EXD3: variants seen among roughly 807,000 people sequenced by gnomAD.
The protein encoded by EXD3 is exonuclease mut-7 homolog.
EXD3 carries 92 observed loss-of-function variants against 98.0 expected under a neutral mutation model. The ratio of observed to expected loss-of-function variants is 0.94; its 90% CI spans 0.79 to 1.12. EXD3 has a LOEUF of 1.12. Among genes scored for constraint, EXD3 ranks in the 50% most tolerant of loss-of-function variants. The pLI, the probability that EXD3 is intolerant of heterozygous loss-of-function variation, is 0.00. For missense variants in EXD3, 1,222 were observed against 1,191.6 expected (o/e 1.03, Z -0.38); for synonymous variants, 569 against 526.0 (o/e 1.08, Z -1.12).
intron 17 of EXD3, among the ~76,000 whole-genome samples, chr9:137,337,388 C>T (rs1231808452): frequency 6.6e-6 from 1 of 152,130 alleles, no homozygotes; most frequent in Non-Finnish European, 1.5e-5. Flanking sequence ...TGCGGTGGCT[C>T]ACACCTATAA....
At chr9:137,331,699 TGA>T (rs992715849) in intron 17 of EXD3, among the ~76,000 whole-genome samples, 55 of 152,030 alleles carry the variant, frequency 3.6e-4, no homozygotes, top group African/African-American at 1.3e-3. Context: ...GTGGCTCACT[TGA>T]GATCAGGAGT....
chr9:137,366,122 G>C, intron 7 of EXD3: 1 of 696,800 alleles, frequency 1.4e-6, no homozygotes, highest in East Asian at 2.7e-5. Context: ...CTCTGTAATT[G>C]CTGACAGACG....
At chr9:137,316,456 C>T (rs1379599261) in intron 19 of EXD3, among the ~76,000 whole-genome samples, 1 of 152,064 alleles carries the variant, frequency 6.6e-6, no homozygotes, top group East Asian at 1.9e-4. Context: ...GCCCGCGCGC[C>T]CCGGGCGTGC....
chr9:137,387,762 A>G (rs1467754288), intron 2 of EXD3, among the ~76,000 whole-genome samples: 1 of 152,196 alleles, frequency 6.6e-6, no homozygotes, highest in African/African-American at 2.4e-5. Context: ...CAGAAGCCCC[A>G]GCCAGCCCTC....
At chr9:137,386,809 GCCCCCTCAGCACACCTGCTCCCTGCCTGC>G (rs1836616653) in intron 2 of EXD3, among the ~76,000 whole-genome samples, 1 of 115,366 alleles carries the variant, frequency 8.7e-6, no homozygotes, top group Admixed American at 8.6e-5. Flanking sequence ...TCCCTGCCTG[GCCCCCTCAGCACACCTGCTCCCTGCCTGC>G]CTCCCTCAGC....
In EXD3 at chr9:137,401,805, C is replaced by T. The variant is rs138714580; in HGVS notation, c.-47-6401G>A. Among the ~76,000 whole-genome samples, 4 of 152,282 alleles carry T rather than the reference C, an allele frequency of 2.6e-5. No homozygotes were observed. The East Asian group carries it at 7.7e-4, about 29-fold the overall frequency. On this transcript the variant is annotated intron_variant, in intron 1 of 21. Coordinates refer to ENST00000340951, the MANE Select transcript of EXD3 (RefSeq NM_017820.5). ...CACTTTTTCCTCCCGGGCCTCCAGG[C>T]CTATGATGGGAGGGGCTGCCATGAA...
chr9:137,317,762 C>T (rs1831766376), intron 19 of EXD3, among the ~76,000 whole-genome samples: 2 of 152,150 alleles, frequency 1.3e-5, no homozygotes, highest in Admixed American at 6.5e-5. Context: ...CCCTCTTTGT[C>T]CCCAGCCTGG....
intron 2 of EXD3, among the ~76,000 whole-genome samples, chr9:137,389,861 C>T (rs533584636): frequency 3.3e-4 from 50 of 152,258 alleles, no homozygotes; most frequent in Non-Finnish European, 6.5e-4. Context: ...GTGGCTCATG[C>T]CTGTAATCCC....
chr9:137,309,704 G>C lies in EXD3; in HGVS notation c.2185-4C>G. The stretch of plus-strand genomic sequence containing the variant: ...GGTACTGGTCACAGTTACAGGCCTG[G>C]GGGCCAGAGGGGGTGCTGAGGCCCA... On this transcript the variant is annotated splice_polypyrimidine_tract_variant and splice_region_variant and intron_variant, in intron 19 of 21. Transcript: ENST00000340951. 1.3e-6 allele frequency: 2 copies of C among 1,550,844 alleles called. No individual in the cohort carries two copies. Among genetic ancestry groups the C allele is most frequent in the Non-Finnish European group, 1.7e-6 (2 of 1,147,224 alleles).
Position 137,354,865 on chromosome 9 carries a change from C to A in EXD3, c.758-92G>T. On this transcript the variant is annotated intron_variant, in intron 8 of 21. Coordinates refer to ENST00000340951, the MANE Select transcript of EXD3 (RefSeq NM_017820.5). ...GGGCTGGAGACGGGCAGAGGGGCTGCGCCTGCCCCTTCACCGTCCTCCACC... is the reference window on the plus strand; with the variant it reads ...GGGCTGGAGACGGGCAGAGGGGCTGAGCCTGCCCCTTCACCGTCCTCCACC... 2.4e-6 allele frequency: 3 copies of A among 1,257,000 alleles called. No individual in the cohort carries two copies. The East Asian group carries it at 7.5e-5, about 31-fold the overall frequency. The allele number at this position is 1,257,000 out of a possible 1,614,324, so 77.9% of individuals were successfully genotyped here. A position where few individuals can be genotyped will look rare whatever the true frequency, so the allele number is the denominator to read the frequency against.
chr9:137,379,946 C>T (rs1051799438), intron 3 of EXD3, among the ~76,000 whole-genome samples: 1 of 152,022 alleles, frequency 6.6e-6, no homozygotes, highest in East Asian at 1.9e-4. Context: ...CCAGCGCAAG[C>T]CACACATGGA....
intron 16 of EXD3, among the ~76,000 whole-genome samples, chr9:137,348,769 G>A (rs1834089276): frequency 9.9e-6 from 1 of 100,612 alleles, no homozygotes; most frequent in East Asian, 4.0e-4. Context: ...GATAGAGAGG[G>A]GAGGGGGAGG....
chr9:137,349,240 C>T lies in EXD3; in HGVS notation c.1700G>A (p.Cys567Tyr), dbSNP rs1388079219. 1.9e-6 allele frequency: 3 copies of T among 1,574,898 alleles called. No individual in the cohort carries two copies. In the African/African-American group the frequency reaches 4.0e-5, roughly 21 times the overall value. Residue 567 changes from cysteine to tyrosine, a missense_variant, in exon 16 of 22, where the codon TGC becomes TAC. Transcript: ENST00000340951. This position sits in a 1 kb window ranked among gnomAD's most constrained non-coding sequence, Gnocchi z 7.4. The stretch of plus-strand genomic sequence containing the variant: ...CAGGTGGAAGCGGGCGGGCTCTCTG[C>T]ACAGGGCTTGGTGCACCTCCAGCAG... ...YCLLEVHQALCREPARFHLSE... is the reference protein window; with the variant it reads ...YCLLEVHQALYREPARFHLSE...
chr9:137,402,756 C>T (rs182896787), intron 1 of EXD3, among the ~76,000 whole-genome samples: 18 of 152,280 alleles, frequency 1.2e-4, no homozygotes, highest in Middle Eastern at 3.4e-3. Context: ...CCCGTTTTCA[C>T]GCTGCTGATA....
chr9:137,366,119 A>G, intron 7 of EXD3: 1 of 696,800 alleles, frequency 1.4e-6, no homozygotes, highest in Non-Finnish European at 2.6e-6. Context: ...TTTCTCTGTA[A>G]TTGCTGACAG....
At chr9:137,382,054 C>A (rs373322325) in intron 3 of EXD3, among the ~76,000 whole-genome samples, 3 of 140,702 alleles carry the variant, frequency 2.1e-5, no homozygotes, top group African/African-American at 5.6e-5. Context: ...GAGGTGAGGG[C>A]GCGCGGAGGA....
In EXD3 at chr9:137,352,600, G is replaced by A. The variant is rs1834364658; in HGVS notation, c.1037+20C>T. Reference sequence around the variant, plus strand: ...TGGGCGGAACCCACCCCTGGCTGGGGTCACCCTGGCGGCGCTCACCTCCCC... The same window carrying A: ...TGGGCGGAACCCACCCCTGGCTGGGATCACCCTGGCGGCGCTCACCTCCCC... On this transcript the variant is annotated intron_variant, in intron 11 of 21. Transcript: ENST00000340951. The A allele has an allele frequency of 6.6e-7, 1 of 1,522,998 alleles. No homozygotes were observed. Among genetic ancestry groups the A allele is most frequent in the Non-Finnish European group, 8.8e-7 (1 of 1,134,246 alleles). The allele number at this position is 1,522,998 out of a possible 1,614,324, so 94.3% of individuals were successfully genotyped here.
At chr9:137,411,143 G>A (rs554960768) in intron 1 of EXD3, among the ~76,000 whole-genome samples, 12 of 152,068 alleles carry the variant, frequency 7.9e-5, no homozygotes, top group Middle Eastern at 3.4e-3. Context: ...CCCCGAGGCC[G>A]GCCCCCCGGG....
At chr9:137,386,075 C>T (rs1247278109) in intron 2 of EXD3, among the ~76,000 whole-genome samples, 10 of 151,896 alleles carry the variant, frequency 6.6e-5, no homozygotes, top group Admixed American at 2.0e-4. Flanking sequence ...GTGGGTGGGT[C>T]GCTTGAGCCC....
Sources: gnomAD v4.1 joint callset for allele counts (sites outside exome capture counted in the v4.1 genomes callset) on GRCh38, gnomAD v4.1.1 for gene constraint, Gnocchi (gnomAD v3.1) non-coding constraint, MANE v1.5 for transcripts, NCBI Gene and HGNC (gene_info 2026-07-23, HGNC 2026-07-21) for gene names.